Variants in NSUN3 observed in about 807,000 individuals in gnomAD.
NSUN3 encodes tRNA (cytosine(34)-C(5))-methyltransferase, mitochondrial.
NSUN3 carries 24 observed loss-of-function variants against 36.8 expected under a neutral mutation model. That is an observed-to-expected ratio of 0.65 (90% confidence interval 0.47 to 0.92). The LOEUF (loss-of-function observed/expected upper bound fraction) is 0.92, where lower values mean the gene tolerates loss of function less well. Among genes scored for constraint, NSUN3 ranks in the 40% least tolerant of loss-of-function variants. The pLI is 0.00. For missense variants in NSUN3, 381 were observed against 392.8 expected (o/e 0.97, Z 0.25); for synonymous variants, 146 against 145.2 (o/e 1.01, Z -0.04).
chr3:94,118,930 A>G (rs1054848435), intron 5 of NSUN3, among the ~76,000 whole-genome samples: 4 of 152,162 alleles, frequency 2.6e-5, no homozygotes, highest in Non-Finnish European at 5.9e-5. Context: ...ATTAAGCAAT[A>G]TCTTTCTTTT....
intron 2 of NSUN3, among the ~76,000 whole-genome samples, chr3:94,078,639 T>C (rs1372402461): frequency 6.6e-6 from 1 of 152,216 alleles, no homozygotes; most frequent in Admixed American, 6.5e-5. Flanking sequence ...GGTGCATATA[T>C]ATTTAGGATA....
chr3:94,114,517 A>G (rs1228287921), intron 5 of NSUN3, among the ~76,000 whole-genome samples: 1 of 152,218 alleles, frequency 6.6e-6, no homozygotes, highest in Non-Finnish European at 1.5e-5. Context: ...CTCAGTTAAC[A>G]TAGGAGTGAG....
At chr3:94,109,906 C>T (rs1377404507) in intron 5 of NSUN3, among the ~76,000 whole-genome samples, 2 of 152,206 alleles carry the variant, frequency 1.3e-5, no homozygotes, top group Admixed American at 1.3e-4. Flanking sequence ...TTGTTCCCTT[C>T]ATCAAAAGCA....
Position 94,083,161 on chromosome 3 carries a change from G to A in NSUN3, c.123-946G>A, listed in dbSNP as rs887845118. Among the ~76,000 whole-genome samples the A allele has an allele frequency of 3.3e-5, 5 of 150,124 alleles. No homozygotes were observed. In the Admixed American group the frequency reaches 3.3e-4, roughly 10 times the overall value. On this transcript the variant is annotated intron_variant, in intron 2 of 5. Coordinates refer to ENST00000314622, the MANE Select transcript of NSUN3 (RefSeq NM_022072.5). ...CAGGGAGGGACTAAGCTGAGTGTAAGCTGAGGCATACCTCTCTGGTGCAGA... is the reference window on the plus strand; with the variant it reads ...CAGGGAGGGACTAAGCTGAGTGTAAACTGAGGCATACCTCTCTGGTGCAGA...
intron 5 of NSUN3, among the ~76,000 whole-genome samples, chr3:94,099,934 C>T (rs1397672420): frequency 6.6e-6 from 1 of 151,954 alleles, no homozygotes; most frequent in Non-Finnish European, 1.5e-5. Context: ...CATTACCTTT[C>T]GTTAACAAAA....
At chr3:94,097,282 T>G (rs1373688779) in intron 5 of NSUN3, among the ~76,000 whole-genome samples, 1 of 152,138 alleles carries the variant, frequency 6.6e-6, no homozygotes. Context: ...CAGAGTTAAC[T>G]GTTGGATTAG....
intron 5 of NSUN3, among the ~76,000 whole-genome samples, chr3:94,123,903 A>G (rs1057497197): frequency 6.6e-6 from 1 of 152,048 alleles, no homozygotes; most frequent in African/African-American, 2.4e-5. Context: ...TAATCCTTTT[A>G]TCCTGCTTTT....
chr3:94,113,671 T>C (rs1480110172), intron 5 of NSUN3, among the ~76,000 whole-genome samples: 2 of 152,108 alleles, frequency 1.3e-5, no homozygotes, highest in Admixed American at 6.5e-5. Context: ...AGGCTGAAAA[T>C]AGGCTTTTTA....
At chr3:94,081,210 T>C (rs1401107181) in intron 2 of NSUN3, among the ~76,000 whole-genome samples, 1 of 152,186 alleles carries the variant, frequency 6.6e-6, no homozygotes, top group Non-Finnish European at 1.5e-5. Context: ...TGCCCCACCC[T>C]GCTTCAGCTC....
chr3:94,073,282 T>C (rs2077233061), intron 2 of NSUN3, among the ~76,000 whole-genome samples: 1 of 152,218 alleles, frequency 6.6e-6, no homozygotes, highest in Non-Finnish European at 1.5e-5. Flanking sequence ...TGTGTCCTTA[T>C]AGTAGAAGGA....
chr3:94,089,715 T>G (rs2077306818), intron 3 of NSUN3, among the ~76,000 whole-genome samples: 1 of 152,130 alleles, frequency 6.6e-6, no homozygotes, highest in Non-Finnish European at 1.5e-5. Flanking sequence ...GTCATAGGAT[T>G]AAGGTTAAAT....
At chr3:94,074,465 C>T (rs947569036) in intron 2 of NSUN3, among the ~76,000 whole-genome samples, 1 of 152,112 alleles carries the variant, frequency 6.6e-6, no homozygotes, top group African/African-American at 2.4e-5. Context: ...TTGTTTGTGT[C>T]CTCTCTTATT....
chr3:94,111,177 A>T (rs2077415369), intron 5 of NSUN3, among the ~76,000 whole-genome samples: 1 of 152,174 alleles, frequency 6.6e-6, no homozygotes, highest in Non-Finnish European at 1.5e-5. Flanking sequence ...ACATACCAAA[A>T]TGGAAAAGGT....
chr3:94,072,677 T>A (rs561548162), intron 2 of NSUN3, among the ~76,000 whole-genome samples: 114 of 152,234 alleles, frequency 7.5e-4, no homozygotes, highest in African/African-American at 2.7e-3. Flanking sequence ...TCAGTAGGGT[T>A]GGGTGTAGAT....
intron 3 of NSUN3, among the ~76,000 whole-genome samples, chr3:94,087,499 T>C (rs2077296788): frequency 6.6e-6 from 1 of 152,204 alleles, no homozygotes; most frequent in African/African-American, 2.4e-5. Flanking sequence ...GTTGTCAACA[T>C]AGCCTTTTTA....
intron 3 of NSUN3, among the ~76,000 whole-genome samples, chr3:94,090,362 T>G (rs1414197968): frequency 1.3e-5 from 2 of 152,194 alleles, no homozygotes; most frequent in Non-Finnish European, 2.9e-5. Flanking sequence ...AAAGTCTACG[T>G]GTAAGCAATA....
chr3:94,098,478 T>TTTTG lies in NSUN3; in HGVS notation c.743+3340_743+3343dup, dbSNP rs909563647. Among the ~76,000 whole-genome samples, 39 of 152,188 alleles carry TTTTG rather than the reference T, an allele frequency of 2.6e-4. 1 individual carries two copies. Among genetic ancestry groups the TTTTG allele is most frequent in the Non-Finnish European group, 2.9e-4 (20 of 68,012 alleles). On this transcript the variant is annotated intron_variant, in intron 5 of 5. Coordinates refer to ENST00000314622, the MANE Select transcript of NSUN3 (RefSeq NM_022072.5). ...CATTACCAGCAAAATTTCACACTCTTTTTGTTTGTTTGTTTGTTTTTTTAA... is the reference window on the plus strand; with the variant it reads ...CATTACCAGCAAAATTTCACACTCTTTTTGTTTGTTTGTTTGTTTGTTTTTTTAA...
At position 94,126,437 on chromosome 3, in the gene NSUN3, G is replaced by C; in HGVS notation, c.970G>C (p.Gly324Arg). The C allele has an allele frequency of 6.2e-7, 1 of 1,613,920 alleles. No homozygotes were observed. Among genetic ancestry groups the C allele is most frequent in the Non-Finnish European group, 8.5e-7 (1 of 1,179,816 alleles). Residue 324 changes from glycine to arginine, a missense_variant, in exon 6 of 6, where the codon GGC becomes CGC. By Grantham distance (125) the Gly-to-Arg change is moderately radical. Coordinates refer to ENST00000314622, the MANE Select transcript of NSUN3 (RefSeq NM_022072.5). ...GATTCCAGATAAGGGCAAAGCCTGG[G>C]GCCCAATGTATGTAGCCAAATTGAA... ...LVIPDKGKAW[G>R]PMYVAKLKKS... is the part of the protein sequence containing the mutation.
intron 2 of NSUN3, among the ~76,000 whole-genome samples, chr3:94,068,966 A>G (rs1383218002): frequency 6.6e-6 from 1 of 152,206 alleles, no homozygotes; most frequent in Non-Finnish European, 1.5e-5. Flanking sequence ...ATCTCTGTGA[A>G]GAAGTAACTT....
Sources: gnomAD v4.1 joint callset for allele counts (sites outside exome capture counted in the v4.1 genomes callset) on GRCh38, gnomAD v4.1.1 for gene constraint, MANE v1.5 for transcripts, NCBI Gene and HGNC (gene_info 2026-07-23, HGNC 2026-07-21) for gene names.